Variants in CAP2 observed in about 807,000 individuals in gnomAD.
CAP2 encodes adenylyl cyclase-associated protein 2.
A neutral mutation model predicts 57.7 loss-of-function variants in CAP2; 24 were observed. The observed-to-expected ratio is 0.42, with a 90% confidence interval of 0.30 to 0.58. The LOEUF (loss-of-function observed/expected upper bound fraction) is 0.58, where lower values mean the gene tolerates loss of function less well. Ranked by LOEUF, CAP2 falls within the 20% of genes least tolerant of loss-of-function variation. The pLI, the probability that CAP2 is intolerant of heterozygous loss-of-function variation, is 0.22. For missense variants in CAP2, 501 were observed against 590.3 expected (o/e 0.85, Z 1.57); for synonymous variants, 194 against 207.2 (o/e 0.94, Z 0.55).
At chr6:17,444,532 T>G (rs1403820260) in intron 3 of CAP2, among the ~76,000 whole-genome samples, 1 of 150,696 alleles carries the variant, frequency 6.6e-6, no homozygotes, top group Non-Finnish European at 1.5e-5. Context: ...ACCCAGCTAC[T>G]CGAGAGGCTG....
intron 7 of CAP2, chr6:17,531,312 G>C (rs1762633459): frequency 9.6e-7 from 1 of 1,043,152 alleles, no homozygotes; most frequent in East Asian, 2.4e-5. Context: ...GGAAGAAGCT[G>C]CAACACCTTT....
intron 1 of CAP2, among the ~76,000 whole-genome samples, chr6:17,406,574 A>G (rs987723882): frequency 6.6e-6 from 1 of 151,712 alleles, no homozygotes. Context: ...TTGTATTTTT[A>G]GTAGAGACAA....
intron 4 of CAP2, among the ~76,000 whole-genome samples, chr6:17,475,190 A>G (rs1310337386): frequency 7.0e-6 from 1 of 142,704 alleles, no homozygotes; most frequent in East Asian, 2.0e-4. Context: ...GCAAGACTCC[A>G]TCTCAAAAAA....
At chr6:17,438,288 C>T (rs529218926) in intron 3 of CAP2, among the ~76,000 whole-genome samples, 1 of 151,134 alleles carries the variant, frequency 6.6e-6, no homozygotes, top group East Asian at 2.0e-4. Context: ...ATTGCCCCAA[C>T]CCAGGAGGTG....
chr6:17,470,640 G>A (rs1322799244), intron 4 of CAP2, among the ~76,000 whole-genome samples: 3 of 152,308 alleles, frequency 2.0e-5, no homozygotes, highest in Non-Finnish European at 4.4e-5. Flanking sequence ...CTTGGAAATG[G>A]CCTATGTCAC....
At chr6:17,460,640 T>C (rs1170118063) in intron 3 of CAP2, among the ~76,000 whole-genome samples, 2 of 152,136 alleles carry the variant, frequency 1.3e-5, no homozygotes, top group African/African-American at 4.8e-5. Flanking sequence ...TTTATAATCT[T>C]TTTTTTAACC....
At chr6:17,511,653 C>T (rs1461728990) in intron 6 of CAP2, among the ~76,000 whole-genome samples, 1 of 152,102 alleles carries the variant, frequency 6.6e-6, no homozygotes, top group East Asian at 1.9e-4. Flanking sequence ...GGAGTTTCGC[C>T]ATGTTGGTCA....
intron 6 of CAP2, among the ~76,000 whole-genome samples, chr6:17,511,392 GA>G (rs1204074528): frequency 1.3e-5 from 2 of 152,170 alleles, no homozygotes; most frequent in Admixed American, 1.3e-4. Context: ...TGTGAGCAGT[GA>G]AATCTGTATC....
intron 1 of CAP2, among the ~76,000 whole-genome samples, chr6:17,400,813 C>T (rs996883798): frequency 1.3e-5 from 2 of 150,486 alleles, no homozygotes; most frequent in African/African-American, 2.4e-5. Context: ...TGCAGTGAGC[C>T]GAGATCGCGC....
rs116282305 is a variant in CAP2, at chr6:17,494,934, T to C, written c.301-12235T>C. On this transcript the variant is annotated intron_variant, in intron 4 of 12. Transcript: ENST00000229922. ...CCTTTGAGCTGGGAAATTGGGTTTT[T>C]TGTTTTGTTTTGTCCCCTGCCTTTG... 4.8e-3 allele frequency among the ~76,000 whole-genome samples: 730 copies of C among 152,266 alleles called. 9 individuals carry two copies. The highest frequency in any genetic ancestry group is 0.016 in the African/African-American group (669 of 41,540).
intron 7 of CAP2, among the ~76,000 whole-genome samples, chr6:17,528,453 CTCTG>C (rs765888896): frequency 1.3e-5 from 2 of 152,172 alleles, no homozygotes; most frequent in African/African-American, 4.8e-5. Flanking sequence ...TTGCTTTCTG[CTCTG>C]TCTTTTTTTC....
At chr6:17,470,135 G>A (rs954490107) in intron 4 of CAP2, among the ~76,000 whole-genome samples, 9 of 152,072 alleles carry the variant, frequency 5.9e-5, no homozygotes, top group Non-Finnish European at 8.8e-5. Flanking sequence ...CGAGAAAAAC[G>A]AATTCATCTA....
chr6:17,428,145 A>G (rs536592938), intron 3 of CAP2, among the ~76,000 whole-genome samples: 3 of 152,342 alleles, frequency 2.0e-5, no homozygotes, highest in South Asian at 2.1e-4. Flanking sequence ...AGTATATCTT[A>G]CTATAATTTT....
Position 17,513,789 on chromosome 6 carries a change from T to G in CAP2, c.531-60T>G, listed in dbSNP as rs1762209757. The G allele has an allele frequency of 8.1e-7, 1 of 1,229,252 alleles. No homozygotes were observed. Among genetic ancestry groups the G allele is most frequent in the Non-Finnish European group, 1.2e-6 (1 of 835,002 alleles). The allele number at this position is 1,229,252 out of a possible 1,614,324, so 76.1% of individuals were successfully genotyped here. On this transcript the variant is annotated intron_variant, in intron 6 of 12. Coordinates refer to ENST00000229922, the MANE Select transcript of CAP2 (RefSeq NM_006366.3). This position sits in a 1 kb window ranked among gnomAD's most constrained non-coding sequence, Gnocchi z 4.3. Reference sequence around the variant, plus strand: ...TAGATAACCATGTGCCCCCACAATTTTTTTAAAATTTTATTTTAGATCCTA... The same window carrying G: ...TAGATAACCATGTGCCCCCACAATTGTTTTAAAATTTTATTTTAGATCCTA...
Position 17,513,947 on chromosome 6 carries a change from G to T in CAP2, c.629G>T (p.Ser210Ile), listed in dbSNP as rs746610053. 4 of 1,599,264 alleles carry T rather than the reference G, an allele frequency of 2.5e-6. No individual in the cohort carries two copies. Among genetic ancestry groups the T allele is most frequent in the Non-Finnish European group, 3.4e-6 (4 of 1,166,626 alleles). Residue 210 changes from serine (S) to isoleucine (I), a missense_variant, in exon 7 of 13, where the codon AGC becomes ATC. Coordinates refer to ENST00000229922, the MANE Select transcript of CAP2 (RefSeq NM_006366.3). The surrounding 1 kb of genome is among the most constrained non-coding windows in gnomAD (Gnocchi z 4.3). ...CACCACACCACGGGCCTCACATGGAGCAAAACAGTGAGTACGAGGCCTTCC... is the reference window on the plus strand; with the variant it reads ...CACCACACCACGGGCCTCACATGGATCAAAACAGTGAGTACGAGGCCTTCC... ...KEHHTTGLTW[S>I]KTGPVASTVS...
chr6:17,543,248 C>A, intron 11 of CAP2, 105 bp downstream of exon 11: 1 of 919,346 alleles, frequency 1.1e-6, no homozygotes, highest in Non-Finnish European at 1.8e-6. Flanking sequence ...GCCTTTCCAA[C>A]CACGCTGTAA....
chr6:17,467,406 G>A (rs1760892836), intron 4 of CAP2, among the ~76,000 whole-genome samples: 1 of 152,146 alleles, frequency 6.6e-6, no homozygotes, highest in African/African-American at 2.4e-5. Context: ...TATTTATGGG[G>A]TTCATGAAAT....
chr6:17,521,851 G>A lies in CAP2; in HGVS notation c.636+7897G>A, dbSNP rs890639766. Among the ~76,000 whole-genome samples, 53 of 152,190 alleles carry A rather than the reference G, an allele frequency of 3.5e-4. 1 individual carries two copies. Among genetic ancestry groups the A allele is most frequent in the African/African-American group, 9.4e-4 (39 of 41,538 alleles). On this transcript the variant is annotated intron_variant, in intron 7 of 12. Coordinates refer to ENST00000229922, the MANE Select transcript of CAP2 (RefSeq NM_006366.3). ...TGATTGGGCGCGGTACCTCAAGCCT[G>A]TAATCCCAGCACTTTGGGAGGCTGA...
At chr6:17,549,646 A>G (rs1281227109) in intron 11 of CAP2, among the ~76,000 whole-genome samples, 2 of 152,188 alleles carry the variant, frequency 1.3e-5, no homozygotes, top group African/African-American at 4.8e-5. Flanking sequence ...GTCTTCTCAC[A>G]CTCACCCATT....
Sources: allele counts gnomAD v4.1 joint callset (sites outside exome capture counted in the v4.1 genomes callset), GRCh38; gene constraint gnomAD v4.1.1; non-coding constraint Gnocchi (gnomAD v3.1); transcripts MANE v1.5; gene names NCBI Gene and HGNC (gene_info 2026-07-23, HGNC 2026-07-21).